Variants in RELN observed in about 807,000 individuals in gnomAD.
RELN encodes reelin.
A neutral mutation model predicts 427.6 loss-of-function variants in RELN; 108 were observed. The observed-to-expected ratio is 0.25, with a 90% CI of 0.22 to 0.30. The LOEUF (loss-of-function observed/expected upper bound fraction) is 0.30, where lower values mean the gene tolerates loss of function less well. Among genes scored for constraint, RELN ranks in the 10% least tolerant of loss-of-function variants. The pLI, the probability that RELN is intolerant of heterozygous loss-of-function variation, is 1.00. For synonymous variants in RELN, 1,524 were observed against 1,513.4 expected (o/e 1.01, Z -0.16); for missense variants, 3,715 against 4,302.8 (o/e 0.86, Z 3.82).
chr7:103,618,023 G>A (rs182032774), intron 20 of RELN, among the ~76,000 whole-genome samples: 21 of 152,090 alleles, frequency 1.4e-4, no homozygotes, highest in South Asian at 6.2e-4. Context: ...GGCAAATGTC[G>A]GCACTGTACT....
At chr7:103,844,704 GA>G in intron 2 of RELN, among the ~76,000 whole-genome samples, 1 of 152,132 alleles carries the variant, frequency 6.6e-6, no homozygotes, top group Middle Eastern at 3.4e-3. Context: ...GTTATAGATA[GA>G]TAATAAGATC....
At chr7:103,854,259 C>A (rs1010073892) in intron 2 of RELN, among the ~76,000 whole-genome samples, 1 of 152,130 alleles carries the variant, frequency 6.6e-6, no homozygotes, top group Non-Finnish European at 1.5e-5. Context: ...ATGAAAATGA[C>A]TTTAGTCACC....
rs746027319 is a variant in RELN, at chr7:103,489,892, G to T, written c.9613C>A (p.Gln3205Lys). The change falls in exon 60 of 65, where the codon CAG (glutamine) becomes AAG (lysine). Residue 3205 changes from glutamine to lysine, a missense_variant. Transcript: ENST00000428762. ...LPDHVSSSAT[Q>K]FRWIQKGEET... The stretch of plus-strand genomic sequence containing the variant: ...TCTCCCTTCTGGATCCAGCGGAACT[G>T]TGTTGCACTGAAAGAACCACAGAGA... The T allele has an allele frequency of 6.2e-7, 1 of 1,614,112 alleles. No homozygotes were observed. Among genetic ancestry groups the T allele is most frequent in the Non-Finnish European group, 8.5e-7 (1 of 1,180,010 alleles).
intron 3 of RELN, among the ~76,000 whole-genome samples, chr7:103,794,948 G>A (rs930396715): frequency 8.5e-5 from 13 of 152,208 alleles, no homozygotes; most frequent in African/African-American, 2.9e-4. Context: ...ACAGAACATC[G>A]TGCTTACCAT....
At chr7:103,886,343 C>A (rs1159967845) in intron 2 of RELN, among the ~76,000 whole-genome samples, 2 of 152,110 alleles carry the variant, frequency 1.3e-5, no homozygotes, top group Non-Finnish European at 2.9e-5. Context: ...CTTTATGCAT[C>A]AAATTCTTTA....
chr7:103,808,402 A>G (rs1792652837), intron 3 of RELN, among the ~76,000 whole-genome samples: 1 of 152,110 alleles, frequency 6.6e-6, no homozygotes, highest in African/African-American at 2.4e-5. Flanking sequence ...CCTAAAACTT[A>G]AAGTATAATA....
intron 6 of RELN, among the ~76,000 whole-genome samples, chr7:103,737,433 A>G (rs1790522527): frequency 1.3e-5 from 2 of 152,212 alleles, no homozygotes; most frequent in Non-Finnish European, 2.9e-5. Flanking sequence ...ACACTTGGCT[A>G]CTAAATGGAG....
chr7:103,738,374 C>T (rs1790546975), intron 6 of RELN, among the ~76,000 whole-genome samples: 1 of 151,804 alleles, frequency 6.6e-6, no homozygotes, highest in African/African-American at 2.4e-5. Context: ...GAAATATCTC[C>T]TATGTCTTAT....
chr7:103,966,215 T>G (rs576435536), intron 1 of RELN, among the ~76,000 whole-genome samples: 91 of 145,590 alleles, frequency 6.3e-4, no homozygotes, highest in Non-Finnish European at 1.0e-3. Context: ...GTGAGAAAAT[T>G]ACCCGCTTTT....
At chr7:103,783,967 AG>A (rs1445458601) in intron 3 of RELN, among the ~76,000 whole-genome samples, 1 of 150,840 alleles carries the variant, frequency 6.6e-6, no homozygotes, top group Non-Finnish European at 1.5e-5. Context: ...TGGTAGTTGC[AG>A]GATATGTAAC....
At chr7:103,597,722 G>A (rs1831570603) in intron 24 of RELN, among the ~76,000 whole-genome samples, 1 of 152,076 alleles carries the variant, frequency 6.6e-6, no homozygotes, top group African/African-American at 2.4e-5. Flanking sequence ...CCACTAAATG[G>A]TCTCTGTGTC....
At chr7:103,518,236 A>C (rs1477510636) in intron 49 of RELN, among the ~76,000 whole-genome samples, 2 of 151,986 alleles carry the variant, frequency 1.3e-5, no homozygotes, top group Non-Finnish European at 2.9e-5. Flanking sequence ...TGATATATTG[A>C]ATTTAAATGA....
At chr7:103,518,505 G>GTTTTTTTTTTTTTTTTTT (rs58239018) in intron 49 of RELN, among the ~76,000 whole-genome samples, 2,278 of 113,624 alleles carry the variant, frequency 0.02, 144 homozygotes, top group East Asian at 0.061. Context: ...GGTAATTTAA[G>GTTTTTTTTTTTTTTTTTT]TTTTTTTTTT....
At chr7:103,854,554 T>C (rs1362688630) in intron 2 of RELN, among the ~76,000 whole-genome samples, 4 of 152,154 alleles carry the variant, frequency 2.6e-5, no homozygotes, top group Non-Finnish European at 5.9e-5. Context: ...CAGGGATGAA[T>C]TAAGGGATTA....
intron 1 of RELN, among the ~76,000 whole-genome samples, chr7:103,973,109 A>C (rs977305618): frequency 1.3e-5 from 2 of 152,242 alleles, no homozygotes; most frequent in South Asian, 4.1e-4. Context: ...CTGAAGGTTT[A>C]AGTAAAGGCA....
At chr7:103,711,074 T>C (rs559959807) in intron 8 of RELN, among the ~76,000 whole-genome samples, 1 of 151,866 alleles carries the variant, frequency 6.6e-6, no homozygotes, top group African/African-American at 2.4e-5. Context: ...AATAAATAAA[T>C]AGAAAGAGTA....
rs558772599 is a variant in RELN at position 103,473,343 on chromosome 7, C to T, written c.10287-435G>A. On this transcript the variant is annotated intron_variant, in intron 64 of 64. Coordinates refer to ENST00000428762, the MANE Select transcript of RELN (RefSeq NM_005045.4). The stretch of plus-strand genomic sequence containing the variant: ...ATTTGGTTCCTTTAGCAAACATTCT[C>T]ATTTAAAGCTTAAAAACTAAAAACA... Among the ~76,000 whole-genome samples the T allele has an allele frequency of 2.6e-5, 4 of 152,150 alleles. No homozygotes were observed. The East Asian group carries it at 5.8e-4, about 22-fold the overall frequency.
intron 8 of RELN, among the ~76,000 whole-genome samples, chr7:103,718,416 A>T (rs1247394224): frequency 6.6e-6 from 1 of 152,150 alleles, no homozygotes; most frequent in African/African-American, 2.4e-5. Context: ...TCAAGAGAAA[A>T]GGTACTAATT....
intron 46 of RELN, among the ~76,000 whole-genome samples, chr7:103,531,762 A>C (rs1028746521): frequency 2.6e-5 from 4 of 151,222 alleles, no homozygotes; most frequent in Admixed American, 2.6e-4. Context: ...TGGCTATTAC[A>C]AAAGTAAAAA....
Sources: allele counts gnomAD v4.1 joint callset (sites outside exome capture counted in the v4.1 genomes callset), GRCh38; gene constraint gnomAD v4.1.1; transcripts MANE v1.5; gene names NCBI Gene and HGNC (gene_info 2026-07-23, HGNC 2026-07-21).